Variants in DAB1 observed in about 807,000 individuals in gnomAD.
DAB1 encodes DAB adaptor protein 1.
DAB1 carries 15 observed loss-of-function variants against 64.6 expected under a neutral mutation model. The observed-to-expected ratio is 0.23, with a 90% CI of 0.16 to 0.36. The LOEUF (loss-of-function observed/expected upper bound fraction) is 0.36. Ranked by LOEUF, DAB1 falls within the 10% of genes least tolerant of loss-of-function variation. The pLI, the probability that DAB1 is intolerant of heterozygous loss-of-function variation, is 1.00. For synonymous variants in DAB1, 235 were observed against 251.9 expected (o/e 0.93, Z 0.64); for missense variants, 596 against 706.7 (o/e 0.84, Z 1.78).
chr1:58,286,810 A>G (rs1321756215), intron 4 of DAB1, among the ~76,000 whole-genome samples: 1 of 152,216 alleles, frequency 6.6e-6, no homozygotes, highest in African/African-American at 2.4e-5. Context: ...CAGCAATTGC[A>G]TTACTGGGTA....
At chr1:58,455,127 G>A (rs1215261034) in intron 3 of DAB1, among the ~76,000 whole-genome samples, 2 of 152,250 alleles carry the variant, frequency 1.3e-5, no homozygotes, top group Non-Finnish European at 2.9e-5. Context: ...AGTTCAACTG[G>A]GAGAGGATCC....
chr1:57,397,773 T>C (rs1682932611), intron 1 of DAB1, among the ~76,000 whole-genome samples: 1 of 152,232 alleles, frequency 6.6e-6, no homozygotes, highest in Non-Finnish European at 1.5e-5. Flanking sequence ...AATCAACTAC[T>C]TCCCATCTCC....
chr1:58,114,108 AAT>A (rs1652170047), intron 5 of DAB1, among the ~76,000 whole-genome samples: 1 of 143,976 alleles, frequency 6.9e-6, no homozygotes, highest in Admixed American at 7.1e-5. Context: ...AAAAAAAAAA[AAT>A]TACCTGGGCA....
At chr1:57,390,795 T>A (rs965755393) in intron 1 of DAB1, among the ~76,000 whole-genome samples, 30 of 152,286 alleles carry the variant, frequency 2.0e-4, no homozygotes, top group Non-Finnish European at 3.4e-4. Flanking sequence ...CTGTTTTCCT[T>A]CTCCCAACTT....
chr1:58,499,816 GA>G (rs557876537), intron 3 of DAB1, among the ~76,000 whole-genome samples: 110 of 148,828 alleles, frequency 7.4e-4, no homozygotes, highest in Admixed American at 1.3e-3. Context: ...CACTTGTATT[GA>G]AAAAAAAACT....
At chr1:57,636,109 A>C (rs1009455331) in intron 7 of DAB1, among the ~76,000 whole-genome samples, 3 of 148,618 alleles carry the variant, frequency 2.0e-5, no homozygotes, top group Admixed American at 6.6e-5. Context: ...AAAAAAAAAA[A>C]AAAACAAAAA....
chr1:57,463,960 T>C (rs1686873733), intron 7 of DAB1, among the ~76,000 whole-genome samples: 1 of 152,170 alleles, frequency 6.6e-6, no homozygotes, highest in South Asian at 2.1e-4. Context: ...GTGTACAACA[T>C]AGGCTATGTT....
intron 4 of DAB1, among the ~76,000 whole-genome samples, chr1:58,294,482 T>C (rs1169115541): frequency 6.6e-6 from 1 of 152,190 alleles, no homozygotes; most frequent in Non-Finnish European, 1.5e-5. Flanking sequence ...GAAACATTTG[T>C]TGAGCACCTA....
At chr1:57,800,863 C>T (rs967555503) in intron 6 of DAB1, among the ~76,000 whole-genome samples, 1 of 152,156 alleles carries the variant, frequency 6.6e-6, no homozygotes, top group African/African-American at 2.4e-5. Flanking sequence ...ACTGTCTTAG[C>T]TCTGAGCTGC....
At chr1:57,674,199 C>A (rs1330169748) in intron 6 of DAB1, among the ~76,000 whole-genome samples, 1 of 152,144 alleles carries the variant, frequency 6.6e-6, no homozygotes, top group African/African-American at 2.4e-5. Flanking sequence ...TATTCATGAG[C>A]ATTTTATAGA....
chr1:58,114,301 A>T (rs1314580956), intron 5 of DAB1, among the ~76,000 whole-genome samples: 7 of 152,178 alleles, frequency 4.6e-5, no homozygotes, highest in Non-Finnish European at 8.8e-5. Flanking sequence ...ATCATTAATG[A>T]TAGGTAACCA....
chr1:57,616,106 C>T (rs918927810), intron 7 of DAB1, among the ~76,000 whole-genome samples: 1 of 152,148 alleles, frequency 6.6e-6, no homozygotes, highest in Non-Finnish European at 1.5e-5. Context: ...ACTATGGCCC[C>T]TCCCTCATTT....
intron 4 of DAB1, among the ~76,000 whole-genome samples, chr1:58,295,802 G>T (rs532307416): frequency 1.3e-5 from 2 of 152,046 alleles, no homozygotes; most frequent in Non-Finnish European, 2.9e-5. Flanking sequence ...TCAAAGGGGA[G>T]ACAGTTGGCT....
rs1643956241 is a variant in DAB1, at chr1:58,342,932, T to C, written n.309+420A>G. The stretch of plus-strand genomic sequence containing the variant: ...TCCACACTACACCCCAAGTGTTCCC[T>C]CTAAGATTAAAATCTGGTCAGGTCC... On this transcript the variant is annotated intron_variant and non_coding_transcript_variant, in intron 4 of 20. Transcript: ENST00000485760. 1.3e-5 allele frequency among the ~76,000 whole-genome samples: 2 copies of C among 152,198 alleles called. 1 individual carries two copies. The highest frequency in any genetic ancestry group is 1.3e-4 in the Admixed American group (2 of 15,268).
intron 7 of DAB1, among the ~76,000 whole-genome samples, chr1:57,572,807 A>T (rs1198538566): frequency 2.0e-5 from 3 of 152,188 alleles, no homozygotes; most frequent in Non-Finnish European, 4.4e-5. Flanking sequence ...CAGGAGGCTT[A>T]TAATCTTGGC....
chr1:57,154,113 T>C (rs1303989550), intron 2 of DAB1, among the ~76,000 whole-genome samples: 1 of 152,244 alleles, frequency 6.6e-6, no homozygotes, highest in African/African-American at 2.4e-5. Flanking sequence ...TTATTGGCTA[T>C]AGTCACCTTG....
At chr1:58,102,699 TTTTAATGAA>T (rs1281141053) in intron 5 of DAB1, among the ~76,000 whole-genome samples, 1 of 152,212 alleles carries the variant, frequency 6.6e-6, no homozygotes. Context: ...CACCTTTTTC[TTTTAATGAA>T]TTTAATGAAT....
intron 1 of DAB1, among the ~76,000 whole-genome samples, chr1:57,349,551 G>C (rs1570342127): frequency 1.3e-5 from 2 of 152,288 alleles, no homozygotes; most frequent in East Asian, 3.9e-4. Context: ...TCGGGATTTT[G>C]AAATGTTTGA....
At chr1:57,571,569 C>T (rs1018923280) in intron 7 of DAB1, among the ~76,000 whole-genome samples, 2 of 151,682 alleles carry the variant, frequency 1.3e-5, no homozygotes, top group African/African-American at 4.8e-5. Flanking sequence ...TACATCCTCT[C>T]AAAAAATTAC....
Sources: allele counts gnomAD v4.1 joint callset (sites outside exome capture counted in the v4.1 genomes callset), GRCh38; gene constraint gnomAD v4.1.1; transcripts MANE v1.5; gene names NCBI Gene and HGNC (gene_info 2026-07-23, HGNC 2026-07-21).